Variants in SLC27A1 observed in about 807,000 individuals in gnomAD.
The protein encoded by SLC27A1 is solute carrier family 27 member 1.
In SLC27A1, 61 loss-of-function variants were observed where a neutral mutation model predicts 62.2. The observed-to-expected ratio is 0.98, with a 90% confidence interval of 0.80 to 1.21. The LOEUF is 1.21. Among genes scored for constraint, SLC27A1 ranks in the 50% most tolerant of loss-of-function variants. The pLI, the probability that SLC27A1 is intolerant of heterozygous loss-of-function variation, is 0.00. For synonymous variants in SLC27A1, 435 were observed against 408.6 expected (o/e 1.06, Z -0.78); for missense variants, 903 against 932.1 (o/e 0.97, Z 0.41).
At chr19:17,474,765 G>A (rs2075106596) in intron 1 of SLC27A1, among the ~76,000 whole-genome samples, 1 of 151,790 alleles carries the variant, frequency 6.6e-6, no homozygotes, top group African/African-American at 2.4e-5. Context: ...TGAGTAGCTG[G>A]GATTACCGGC....
chr19:17,500,534 A>G lies in SLC27A1; in HGVS notation c.1373A>G (p.Asp458Gly). Reference sequence around the variant, plus strand: ...CTTGTGGGTCAGATCAACCAACAGGACCCGCTGCGCCGCTTCGATGGCTAT... The same window carrying G: ...CTTGTGGGTCAGATCAACCAACAGGGCCCGCTGCGCCGCTTCGATGGCTAT... ...GLLVGQINQQ[D>G]PLRRFDGYVS... The change falls in exon 9 of 12, where the codon GAC becomes GGC. Residue 458 changes from aspartate (D) to glycine (G), a missense_variant. Physicochemically the swap from Asp to Gly is moderately conservative, Grantham distance 94 (BLOSUM62 -1). Coordinates refer to ENST00000252595, the MANE Select transcript of SLC27A1 (RefSeq NM_198580.3). 1.2e-6 allele frequency: 2 copies of G among 1,613,480 alleles called. No individual in the cohort carries two copies.
chr19:17,473,040 C>G (rs2144538889), intron 1 of SLC27A1, among the ~76,000 whole-genome samples: 1 of 152,276 alleles, frequency 6.6e-6, no homozygotes, highest in East Asian at 1.9e-4. Flanking sequence ...TTAAGCGATC[C>G]TCCTACCTCA....
chr19:17,470,837 C>A (rs1322160486), intron 1 of SLC27A1, 130 bp downstream of exon 1: 1 of 5,846 alleles, frequency 1.7e-4, no homozygotes, highest in Non-Finnish European at 2.6e-4. Flanking sequence ...AGGTTGGGGG[C>A]GGGGCTGGGC....
At chr19:17,498,865 AG>A (rs2075378433) in intron 7 of SLC27A1, 1 of 154,644 alleles carries the variant, frequency 6.5e-6, no homozygotes. Flanking sequence ...AGAGGGAGAG[AG>A]AGAGAAAGAC....
upstream of SLC27A1, among the ~76,000 whole-genome samples, chr19:17,469,644 G>A (rs2075053705): frequency 6.6e-6 from 1 of 152,158 alleles, no homozygotes; most frequent in Non-Finnish European, 1.5e-5. Flanking sequence ...TATGGTCGTG[G>A]CTTCTGGAAG....
At chr19:17,497,166 T>G (rs770181259) in intron 6 of SLC27A1, 89 bp from the exon 7 acceptor site, 5 of 1,032,162 alleles carry the variant, frequency 4.8e-6, no homozygotes, top group Non-Finnish European at 5.7e-6. Flanking sequence ...ATTAGCTCCC[T>G]GGGTGGGGCG....
At position 17,494,989 on chromosome 19, in the gene SLC27A1, C is replaced by G. The variant is rs563000469; in HGVS notation, c.997-2266C>G. 8.5e-3 allele frequency among the ~76,000 whole-genome samples: 762 copies of G among 89,500 alleles called. 9 individuals are homozygous for G. Among genetic ancestry groups the G allele is most frequent in the African/African-American group, 0.031 (730 of 23,348 alleles). 58.7% of individuals were successfully genotyped at this position (89,500 alleles called of 152,430 possible). ...AAAAATCCTTGCCTTTTTTTTTTTT[C>G]TGAGGCGGAGTCTCACTCTTGTCCC... On this transcript the variant is annotated intron_variant, in intron 6 of 11. Transcript: ENST00000252595.
upstream of SLC27A1, among the ~76,000 whole-genome samples, chr19:17,469,880 AG>A (rs1284467094): frequency 7.7e-5 from 1 of 12,938 alleles, no homozygotes; most frequent in African/African-American, 3.5e-4. Context: ...TAGTTTCGGG[AG>A]GGTGGGGCGT....
intron 1 of SLC27A1, 27 bp downstream of exon 1, chr19:17,470,734 G>A: frequency 6.4e-7 from 1 of 1,553,296 alleles, no homozygotes; most frequent in Non-Finnish European, 8.6e-7. Flanking sequence ...TCCGTCCAGG[G>A]CTGGGGGCGG....
upstream of SLC27A1, among the ~76,000 whole-genome samples, chr19:17,470,236 C>T (rs557899768): frequency 2.9e-3 from 436 of 151,770 alleles, no homozygotes; most frequent in African/African-American, 0.01. Context: ...ATAGAGCGGA[C>T]CCAGGGTCCG....
At chr19:17,488,760 G>A in intron 4 of SLC27A1, 88 bp from the exon 5 acceptor site, 1 of 1,216,784 alleles carries the variant, frequency 8.2e-7, no homozygotes, top group Non-Finnish European at 1.2e-6. Flanking sequence ...GCTTTGCCTG[G>A]GTCCACATGC....
At chr19:17,482,682 G>T (rs1159977901) in intron 1 of SLC27A1, among the ~76,000 whole-genome samples, 2 of 150,954 alleles carry the variant, frequency 1.3e-5, no homozygotes, top group African/African-American at 4.9e-5. Context: ...AAAGGGTGGG[G>T]AGAGAATGGA....
intron 1 of SLC27A1, among the ~76,000 whole-genome samples, chr19:17,472,287 C>G (rs763072287): frequency 6.0e-5 from 9 of 150,260 alleles, no homozygotes; most frequent in African/African-American, 2.2e-4. Flanking sequence ...CCCAGCTACT[C>G]GGGAGGCTGA....
intron 1 of SLC27A1, among the ~76,000 whole-genome samples, chr19:17,484,559 C>T (rs1281073670): frequency 3.3e-5 from 5 of 151,188 alleles, no homozygotes; most frequent in East Asian, 2.0e-4. Flanking sequence ...CTAGTCTGGG[C>T]GACAGAGTGA....
Position 17,501,287 on chromosome 19 carries a change from G to T in SLC27A1, c.1651G>T (p.Ala551Ser). ...TCTGCCTCCAGGAGTGGAGGGTAAG[G>T]CAGGGATGGCGGCCGTCGCAGACCC... ...GVAVPGVEGK[A>S]GMAAVADPHS... The change falls in exon 11 of 12, where the codon GCA becomes TCA. Residue 551 changes from alanine to serine, a missense_variant. Ala to Ser is a moderately conservative substitution (Grantham distance 99). Transcript: ENST00000252595. 4.3e-6 allele frequency: 7 copies of T among 1,613,546 alleles called. No homozygotes were observed. The highest frequency in any genetic ancestry group is 5.9e-6 in the Non-Finnish European group (7 of 1,179,978).
chr19:17,475,377 C>T (rs1481535231), intron 1 of SLC27A1, among the ~76,000 whole-genome samples: 1 of 152,092 alleles, frequency 6.6e-6, no homozygotes, highest in Non-Finnish European at 1.5e-5. Flanking sequence ...TCCATCTCTA[C>T]ACGCAAAAAA....
rs199940093 is a variant in SLC27A1 at position 17,473,970 on chromosome 19, TCTCA to T, written c.167+3267_167+3270del. Among the ~76,000 whole-genome samples, 1,145 of 152,312 alleles carry T rather than the reference TCTCA, an allele frequency of 7.5e-3. 11 individuals carry two copies. The highest frequency in any genetic ancestry group is 0.026 in the African/African-American group (1,089 of 41,560). Reference sequence around the variant, plus strand: ...GAAGTTTCTTGTTTTTTTGATAAAGTCTCACTCTGTCACCCAGGCTGGAGTGCAG... The same window carrying T: ...GAAGTTTCTTGTTTTTTTGATAAAGTCTCTGTCACCCAGGCTGGAGTGCAG... On this transcript the variant is annotated intron_variant, in intron 1 of 11. Coordinates refer to ENST00000252595, the MANE Select transcript of SLC27A1 (RefSeq NM_198580.3).
chr19:17,484,617 A>G (rs1026724582), intron 1 of SLC27A1, among the ~76,000 whole-genome samples: 1 of 152,050 alleles, frequency 6.6e-6, no homozygotes, highest in Non-Finnish European at 1.5e-5. Flanking sequence ...GGGGGAAAGA[A>G]TGAATGACGG....
upstream of SLC27A1, chr19:17,470,368 C>T: frequency 3.8e-6 from 3 of 780,352 alleles, no homozygotes; most frequent in Non-Finnish European, 5.6e-6. Flanking sequence ...GTTGACCAAT[C>T]CCAGGCCTGG....
Sources: gnomAD v4.1 joint callset for allele counts (sites outside exome capture counted in the v4.1 genomes callset) on GRCh38, gnomAD v4.1.1 for gene constraint, MANE v1.5 for transcripts, NCBI Gene and HGNC (gene_info 2026-07-23, HGNC 2026-07-21) for gene names.